ADAM22: variants seen among roughly 807,000 people sequenced by gnomAD.
ADAM22 encodes ADAM metallopeptidase domain 22.
Under a neutral mutation model 144.6 loss-of-function variants are expected in ADAM22, and 65 were observed. That is an observed-to-expected ratio of 0.45 (90% CI 0.37 to 0.55). The LOEUF (loss-of-function observed/expected upper bound fraction) is 0.55, where lower values mean the gene tolerates loss of function less well. Ranked by LOEUF, ADAM22 falls within the 20% of genes least tolerant of loss-of-function variation. The probability of loss-of-function intolerance (pLI) is 0.00; values close to 1 mark genes in which losing one functional copy is unlikely to be tolerated. For synonymous variants in ADAM22, 391 were observed against 412.6 expected (o/e 0.95, Z 0.63); for missense variants, 974 against 1,184.9 (o/e 0.82, Z 2.61).
At chr7:88,045,121 G>A (rs972839816) in intron 3 of ADAM22, among the ~76,000 whole-genome samples, 6 of 149,860 alleles carry the variant, frequency 4.0e-5, no homozygotes, top group African/African-American at 1.5e-4. Context: ...GGGTTCAGGC[G>A]ACTCTCCTGC....
chr7:88,155,660 A>G (rs765374982), intron 21 of ADAM22, among the ~76,000 whole-genome samples: 7 of 152,210 alleles, frequency 4.6e-5, no homozygotes, highest in Non-Finnish European at 8.8e-5. Flanking sequence ...GACAGTAAAG[A>G]AAAAGCTAGA....
At chr7:88,015,413 C>G (rs1796343436) in intron 3 of ADAM22, among the ~76,000 whole-genome samples, 1 of 152,174 alleles carries the variant, frequency 6.6e-6, no homozygotes, top group Admixed American at 6.5e-5. Flanking sequence ...TGTAACCAGG[C>G]TGTATTCACC....
intron 7 of ADAM22, among the ~76,000 whole-genome samples, chr7:88,118,639 A>ATATC (rs528203863): frequency 0.028 from 2,904 of 103,920 alleles, 48 homozygotes; most frequent in South Asian, 0.15. Context: ...ATAACCTTAT[A>ATATC]TATCTATCTA....
At chr7:88,176,041 C>G (rs1022736012) in intron 26 of ADAM22, among the ~76,000 whole-genome samples, 1 of 152,086 alleles carries the variant, frequency 6.6e-6, no homozygotes, top group Non-Finnish European at 1.5e-5. Context: ...GGCGCGATCT[C>G]GGCTCACTGC....
intron 3 of ADAM22, among the ~76,000 whole-genome samples, chr7:88,034,885 C>T (rs570186439): frequency 1.3e-5 from 2 of 152,214 alleles, no homozygotes; most frequent in South Asian, 4.2e-4. Flanking sequence ...GAGGCTGCTG[C>T]TGGGGTGTGG....
chr7:88,079,253 A>C (rs188276971), intron 4 of ADAM22, among the ~76,000 whole-genome samples: 2 of 152,190 alleles, frequency 1.3e-5, no homozygotes, highest in Non-Finnish European at 2.9e-5. Flanking sequence ...ACTAAGCTTC[A>C]TAAGTGAGGG....
At chr7:87,942,094 A>G (rs1842589195) in intron 2 of ADAM22, among the ~76,000 whole-genome samples, 2 of 152,156 alleles carry the variant, frequency 1.3e-5, no homozygotes, top group Admixed American at 6.5e-5. Context: ...ATAAGCCCCA[A>G]AGGGAAAGAA....
At chr7:88,149,550 C>T (rs542984715) in intron 18 of ADAM22, among the ~76,000 whole-genome samples, 1 of 152,142 alleles carries the variant, frequency 6.6e-6, no homozygotes, top group Non-Finnish European at 1.5e-5. Flanking sequence ...ATTGAATAAA[C>T]TTTGGTGGGA....
At chr7:87,953,335 T>A (rs533091621) in intron 2 of ADAM22, among the ~76,000 whole-genome samples, 1 of 152,100 alleles carries the variant, frequency 6.6e-6, no homozygotes, top group African/African-American at 2.4e-5. Context: ...GATTCTGGTA[T>A]GTTGGGTGTT....
chr7:87,998,072 T>C (rs1351690326), intron 3 of ADAM22, among the ~76,000 whole-genome samples: 1 of 152,134 alleles, frequency 6.6e-6, no homozygotes, highest in Non-Finnish European at 1.5e-5. Context: ...TGGAGTTTGA[T>C]GTTTGAAGGC....
chr7:88,045,381 A>AT (rs550630939), intron 3 of ADAM22, among the ~76,000 whole-genome samples: 17 of 149,646 alleles, frequency 1.1e-4, no homozygotes, highest in East Asian at 5.9e-4. Flanking sequence ...CAGTTAGGTT[A>AT]TTTTTTTTTT....
intron 12 of ADAM22, 116 bp from the exon 13 acceptor site, chr7:88,134,213 C>T: frequency 4.1e-6 from 3 of 730,836 alleles, no homozygotes; most frequent in Non-Finnish European, 6.5e-6. Flanking sequence ...TCAGCCTCTT[C>T]TAAAGAAATT....
chr7:88,145,382 T>G, intron 16 of ADAM22, 33 bp from the exon 17 acceptor site: 1 of 1,574,000 alleles, frequency 6.4e-7, no homozygotes, highest in Non-Finnish European at 8.7e-7. Flanking sequence ...TGACACCGTT[T>G]TCTGATGTTT....
intron 3 of ADAM22, among the ~76,000 whole-genome samples, chr7:87,988,210 A>G (rs1009335680): frequency 3.9e-5 from 6 of 152,178 alleles, no homozygotes; most frequent in African/African-American, 1.4e-4. Flanking sequence ...AAAGCACTGG[A>G]TAAGAATCTA....
At chr7:88,170,449 G>T (rs1844037391) in intron 25 of ADAM22, among the ~76,000 whole-genome samples, 1 of 150,536 alleles carries the variant, frequency 6.6e-6, no homozygotes, top group African/African-American at 2.4e-5. Flanking sequence ...GAGAATAGCA[G>T]GAATTAAAAA....
intron 4 of ADAM22, among the ~76,000 whole-genome samples, chr7:88,106,426 C>T (rs893196172): frequency 1.4e-4 from 21 of 152,146 alleles, no homozygotes; most frequent in African/African-American, 4.6e-4. Context: ...CTTGGAATTT[C>T]GGTGAAGAAA....
At chr7:87,971,999 G>T (rs1850572963) in intron 2 of ADAM22, among the ~76,000 whole-genome samples, 3 of 152,148 alleles carry the variant, frequency 2.0e-5, no homozygotes, top group Admixed American at 1.3e-4. Flanking sequence ...GACCATCCTG[G>T]CTAACACAGT....
chr7:88,042,486 C>T (rs1803407729), intron 3 of ADAM22, among the ~76,000 whole-genome samples: 1 of 151,994 alleles, frequency 6.6e-6, no homozygotes, highest in African/African-American at 2.4e-5. Context: ...TCATTACATG[C>T]AACAATCTTT....
At chr7:88,097,301 G>A (rs536288869) in intron 4 of ADAM22, among the ~76,000 whole-genome samples, 22 of 151,516 alleles carry the variant, frequency 1.5e-4, no homozygotes, top group South Asian at 8.3e-4. Context: ...ACAGGTGTGC[G>A]CCATTATGCC....
Sources: allele counts gnomAD v4.1 joint callset (sites outside exome capture counted in the v4.1 genomes callset), GRCh38; gene constraint gnomAD v4.1.1; transcripts MANE v1.5; gene names NCBI Gene and HGNC (gene_info 2026-07-23, HGNC 2026-07-21).